Variants in IL1RL2 observed in about 807,000 individuals in gnomAD.
IL1RL2 encodes the protein interleukin 1 receptor like 2.
Under a neutral mutation model 66.8 loss-of-function variants are expected in IL1RL2, and 68 were observed. The observed-to-expected ratio is 1.02, with a 90% CI of 0.84 to 1.25. The LOEUF (loss-of-function observed/expected upper bound fraction) is 1.25. IL1RL2 is among the 50% of genes most tolerant of loss of function. IL1RL2 has a pLI of 0.00. For synonymous variants in IL1RL2, 305 were observed against 264.6 expected (o/e 1.15, Z -1.48); for missense variants, 729 against 709.3 (o/e 1.03, Z -0.32).
Position 102,234,896 on chromosome 2 carries a change from G to T in IL1RL2, c.1298-1G>T. 6.2e-7 allele frequency: 1 copy of T among 1,609,760 alleles called. No individual in the cohort carries two copies. The highest frequency in any genetic ancestry group is 8.5e-7 in the Non-Finnish European group (1 of 1,176,478). On this transcript the variant is annotated splice_acceptor_variant, in intron 10 of 11. Coordinates refer to ENST00000264257, the MANE Select transcript of IL1RL2 (RefSeq NM_003854.4). LOFTEE classifies it high-confidence loss of function. Reference sequence around the variant, plus strand: ...TCTGAGCCTTCTTTCTTTATTTCCAGCCGTGGCCAATGTCATCGATGAAAA... The same window carrying T: ...TCTGAGCCTTCTTTCTTTATTTCCATCCGTGGCCAATGTCATCGATGAAAA...
chr2:102,213,032 GA>G (rs957789665), intron 6 of IL1RL2, among the ~76,000 whole-genome samples: 9 of 151,848 alleles, frequency 5.9e-5, no homozygotes, highest in East Asian at 5.8e-4. Context: ...TATTACATCT[GA>G]AAAAAAAGCA....
intron 4 of IL1RL2, among the ~76,000 whole-genome samples, chr2:102,197,246 C>T (rs962895381): frequency 3.3e-5 from 5 of 152,058 alleles, no homozygotes; most frequent in Admixed American, 1.3e-4. Context: ...TGAAGGCTTG[C>T]AGGAGAGGGA....
At position 102,218,911 on chromosome 2, in the gene IL1RL2, G is replaced by A. The variant is rs760007111; in HGVS notation, c.725-42G>A. 22 of 1,574,598 alleles carry A rather than the reference G, an allele frequency of 1.4e-5. No homozygotes were observed. In the Admixed American group the frequency reaches 2.9e-4, roughly 21 times the overall value. On this transcript the variant is annotated intron_variant, in intron 6 of 11. Coordinates refer to ENST00000264257, the MANE Select transcript of IL1RL2 (RefSeq NM_003854.4). The stretch of plus-strand genomic sequence containing the variant: ...CAGATGTTAACAAATTTGAAAGTTT[G>A]TAGAATTTTCATTGAATATTGATGA...
At chr2:102,226,452 G>A (rs1281664168) in intron 9 of IL1RL2, among the ~76,000 whole-genome samples, 1 of 152,180 alleles carries the variant, frequency 6.6e-6, no homozygotes, top group Admixed American at 6.5e-5. Context: ...AGCTGCCTGC[G>A]GTTGGAGCTC....
At chr2:102,212,265 A>G in intron 6 of IL1RL2, 91 bp downstream of exon 6, 1 of 967,588 alleles carries the variant, frequency 1.0e-6, no homozygotes, top group South Asian at 1.4e-5. Flanking sequence ...GTTAAGGATG[A>G]AGATAAATCC....
intron 4 of IL1RL2, among the ~76,000 whole-genome samples, chr2:102,196,717 C>A (rs547247407): frequency 7.9e-5 from 12 of 152,096 alleles, no homozygotes; most frequent in East Asian, 7.8e-4. Context: ...CTGGTGGGTA[C>A]GGCAAGGAAG....
chr2:102,219,967 T>A lies in IL1RL2; in HGVS notation c.941T>A (p.Phe314Tyr). Residue 314 changes from phenylalanine (F) to tyrosine (Y), a missense_variant, in exon 8 of 12, where the codon TTC (phenylalanine) becomes TAC (tyrosine). Coordinates refer to ENST00000264257, the MANE Select transcript of IL1RL2 (RefSeq NM_003854.4). ...EVKMEDYGLP[F>Y]MCHAGVSTAY... ...AAAATGGAAGATTATGGCCTTCCTT[T>A]CATGTGCCACGCTGGAGTGTCCACA... 6.2e-7 allele frequency: 1 copy of A among 1,614,002 alleles called. No homozygotes were observed. The highest frequency in any genetic ancestry group is 1.1e-5 in the South Asian group (1 of 91,070).
At position 102,189,029 on chromosome 2, in the gene IL1RL2, A is replaced by G. The variant is rs1464099182; in HGVS notation, c.59-47A>G. 3.5e-6 allele frequency: 5 copies of G among 1,413,182 alleles called. No individual in the cohort carries two copies. The South Asian group carries it at 4.9e-5, about 14-fold the overall frequency. The allele number at this position is 1,413,182 out of a possible 1,614,324, so 87.5% of individuals were successfully genotyped here. On this transcript the variant is annotated intron_variant, in intron 2 of 11. Transcript: ENST00000264257. ...AAAAACTAACAGTAAATAAAACTGA[A>G]GTTTTCTTTCATGGATAATTGTTTT... is the stretch of plus-strand genomic sequence containing the variant.
At chr2:102,236,519 G>C (rs994156016) in intron 11 of IL1RL2, among the ~76,000 whole-genome samples, 72 of 152,304 alleles carry the variant, frequency 4.7e-4, no homozygotes, top group African/African-American at 1.7e-3. Context: ...TCCTATGGAG[G>C]CCTCGACTTG....
rs541932963 is a variant in IL1RL2 at position 102,235,028 on chromosome 2, A to G, written c.1429A>G (p.Ile477Val). The G allele has an allele frequency of 1.2e-6, 2 of 1,614,184 alleles. No homozygotes were observed. The highest frequency in any genetic ancestry group is 2.2e-5 in the South Asian group (2 of 91,086). Residue 477 changes from isoleucine (I) to valine (V), a missense_variant, in exon 11 of 12, where the codon ATC becomes GTC. Physicochemically the swap from Ile to Val is conservative, Grantham distance 29. Transcript: ENST00000264257. ...ACAAATCGCGGTCTACAGTGCCCTG[A>G]TCCAGGACGGGATGAAGGTTATTCT... ...EEQIAVYSAL[I>V]QDGMKVILIE... is the part of the protein sequence containing the mutation.
rs758976494 is a variant in IL1RL2, at chr2:102,226,009, G to A, written c.1103G>A (p.Arg368Gln). Reference protein sequence around the residue: ...IFKIDIVLWYRSAFHSTETIV... With the variant: ...IFKIDIVLWYQSAFHSTETIV... The stretch of plus-strand genomic sequence containing the variant: ...AAGATCGACATTGTTCTTTGGTATC[G>A]AAGTGCCTTCCATTCTACAGAGACC... Residue 368 changes from arginine to glutamine, a missense_variant, in exon 9 of 12, where the codon CGA becomes CAA. Coordinates refer to ENST00000264257, the MANE Select transcript of IL1RL2 (RefSeq NM_003854.4). 3.7e-6 allele frequency: 6 copies of A among 1,602,506 alleles called. No homozygotes were observed. Among genetic ancestry groups the A allele is most frequent in the South Asian group, 2.2e-5 (2 of 89,492 alleles).
intron 6 of IL1RL2, among the ~76,000 whole-genome samples, chr2:102,215,471 CTG>C (rs1248765839): frequency 6.6e-6 from 1 of 152,164 alleles, no homozygotes; most frequent in Non-Finnish European, 1.5e-5. Flanking sequence ...GCCCTGCTTC[CTG>C]TATGGACAGG....
chr2:102,213,859 G>T (rs993555399), intron 6 of IL1RL2, among the ~76,000 whole-genome samples: 15 of 152,160 alleles, frequency 9.9e-5, no homozygotes, highest in Non-Finnish European at 1.0e-4. Flanking sequence ...GAACAGAAGA[G>T]TTGAGGTGGG....
At chr2:102,200,254 GA>G (rs1315388655) in intron 4 of IL1RL2, among the ~76,000 whole-genome samples, 2 of 151,966 alleles carry the variant, frequency 1.3e-5, no homozygotes, top group Non-Finnish European at 2.9e-5. Context: ...GTCAGATTAT[GA>G]GTTGGTTTCC....
At chr2:102,215,476 T>G (rs1689529329) in intron 6 of IL1RL2, among the ~76,000 whole-genome samples, 1 of 152,172 alleles carries the variant, frequency 6.6e-6, no homozygotes, top group Non-Finnish European at 1.5e-5. Context: ...GCTTCCTGTA[T>G]GGACAGGCAG....
intron 11 of IL1RL2, 45 bp from the exon 12 acceptor site, chr2:102,239,147 C>T: frequency 1.9e-6 from 3 of 1,587,904 alleles, no homozygotes; most frequent in Non-Finnish European, 1.7e-6. Context: ...GCCCCCATCT[C>T]CCACCACATC....
chr2:102,203,976 ATTGT>A (rs1464673096), intron 5 of IL1RL2, among the ~76,000 whole-genome samples: 6 of 151,224 alleles, frequency 4.0e-5, no homozygotes, highest in African/African-American at 1.2e-4. Context: ...ACATCATTAG[ATTGT>A]TTGTTTGAAG....
intron 4 of IL1RL2, among the ~76,000 whole-genome samples, chr2:102,199,089 C>T (rs3771197): frequency 0.28 from 42,653 of 152,064 alleles, 6,616 homozygotes; most frequent in East Asian, 0.38. Context: ...CCAAATTTGT[C>T]ACTAAATTCT....
At chr2:102,216,303 CT>C in intron 6 of IL1RL2, among the ~76,000 whole-genome samples, 1 of 152,146 alleles carries the variant, frequency 6.6e-6, no homozygotes, top group East Asian at 1.9e-4. Context: ...ATATAATGAC[CT>C]TCTTTGTCTC....
Sources: gnomAD v4.1 joint callset for allele counts (sites outside exome capture counted in the v4.1 genomes callset) on GRCh38, gnomAD v4.1.1 for gene constraint, MANE v1.5 for transcripts, NCBI Gene and HGNC (gene_info 2026-07-23, HGNC 2026-07-21) for gene names.